The following SLC4A4 variants were observed in gnomAD, a reference collection of about 807,000 sequenced individuals.
SLC4A4 encodes electrogenic sodium bicarbonate cotransporter 1.
Under a neutral mutation model 111.5 loss-of-function variants are expected in SLC4A4, and 27 were observed. That is an observed-to-expected ratio of 0.24 (90% confidence interval 0.18 to 0.33). SLC4A4 has a LOEUF of 0.33. SLC4A4 is among the 10% of genes least tolerant of loss of function. SLC4A4 has a pLI of 1.00. For missense variants in SLC4A4, 909 were observed against 1,315.5 expected (o/e 0.69, Z 4.78); for synonymous variants, 443 against 463.4 (o/e 0.96, Z 0.57).
chr4:71,269,243 T>C (rs1422113215), intron 3 of SLC4A4, among the ~76,000 whole-genome samples: 1 of 152,258 alleles, frequency 6.6e-6, no homozygotes, highest in African/African-American at 2.4e-5. Context: ...AAATTACAGC[T>C]ATGAATAGTT....
chr4:71,463,088 A>G (rs376876149), intron 12 of SLC4A4, among the ~76,000 whole-genome samples: 105 of 152,296 alleles, frequency 6.9e-4, no homozygotes, highest in African/African-American at 2.5e-3. Context: ...ACTGTTCCAC[A>G]GTGGTGTCAC....
At chr4:71,408,587 C>A (rs1186873967) in intron 7 of SLC4A4, among the ~76,000 whole-genome samples, 1 of 152,174 alleles carries the variant, frequency 6.6e-6, no homozygotes, top group Non-Finnish European at 1.5e-5. Flanking sequence ...ACTGCTCTAT[C>A]CACACTGTAA....
intron 2 of SLC4A4, among the ~76,000 whole-genome samples, chr4:71,120,082 T>C (rs899495692): frequency 1.3e-5 from 2 of 152,216 alleles, no homozygotes; most frequent in African/African-American, 2.4e-5. Context: ...TATTGGAAGG[T>C]TTTGAACTCG....
chr4:71,136,932 A>G (rs138046896), intron 2 of SLC4A4, among the ~76,000 whole-genome samples: 18 of 152,268 alleles, frequency 1.2e-4, no homozygotes, highest in African/African-American at 3.6e-4. Flanking sequence ...AAGAAGCTGA[A>G]ACTTTTGCCT....
chr4:71,079,789 G>T (rs1195362859), intron 1 of SLC4A4, among the ~76,000 whole-genome samples: 1 of 129,894 alleles, frequency 7.7e-6, no homozygotes, highest in African/African-American at 2.6e-5. Context: ...AAAAAAAAAA[G>T]ATGTAAAGAA....
chr4:71,497,563 A>C lies in SLC4A4; in HGVS notation c.2037A>C (p.Gly679=), dbSNP rs755703632. 6.2e-7 allele frequency: 1 copy of C among 1,613,640 alleles called. No individual in the cohort carries two copies. Among genetic ancestry groups the C allele is most frequent in the South Asian group, 1.1e-5 (1 of 91,066 alleles). ...LSKKECSKYG[G]NLVGNNCNFV... ...AGAAGGAGTGTTCAAAATACGGAGGAAACCTCGTCGGGAACAACTGTAATT... is the reference window on the plus strand; with the variant it reads ...AGAAGGAGTGTTCAAAATACGGAGGCAACCTCGTCGGGAACAACTGTAATT... The change falls in exon 16 of 26, where the codon GGA becomes GGC. Residue 679 remains glycine, a synonymous_variant. Transcript: ENST00000264485.
At position 71,546,352 on chromosome 4, in the gene SLC4A4, A is replaced by G; in HGVS notation, c.2445A>G (p.Lys815=). 1 of 1,612,142 alleles carries G rather than the reference A, an allele frequency of 6.2e-7. No individual in the cohort carries two copies. The highest frequency in any genetic ancestry group is 8.5e-7 in the Non-Finnish European group (1 of 1,178,476). ...IVNRKEHKLK[K]GAGYHLDLFW... ...GGTTTTGTTATCTCTTTCTACAGAA[A>G]GGAGCAGGGTATCACTTGGATCTCT... is the stretch of plus-strand genomic sequence containing the variant. The change falls in exon 19 of 26, where the codon AAA becomes AAG. Residue 815 remains lysine, a splice_region_variant and synonymous_variant. Transcript: ENST00000264485.
chr4:71,142,514 T>C (rs1164821776), intron 2 of SLC4A4, among the ~76,000 whole-genome samples: 1 of 152,172 alleles, frequency 6.6e-6, no homozygotes, highest in Admixed American at 6.5e-5. Context: ...ACTTTCTTTC[T>C]TTTTGTTTGT....
intron 7 of SLC4A4, among the ~76,000 whole-genome samples, chr4:71,423,296 T>C (rs1034290238): frequency 3.3e-5 from 5 of 152,086 alleles, no homozygotes; most frequent in South Asian, 2.1e-4. Flanking sequence ...GTGAAGGACC[T>C]CTTCAAGGAG....
intron 6 of SLC4A4, among the ~76,000 whole-genome samples, chr4:71,378,873 T>C (rs537557343): frequency 2.0e-5 from 3 of 152,302 alleles, no homozygotes; most frequent in Admixed American, 1.3e-4. Flanking sequence ...TCCACCTCAA[T>C]AGATCCTCAT....
intron 16 of SLC4A4, among the ~76,000 whole-genome samples, chr4:71,516,080 C>CTTTTT (rs60338885): frequency 3.3e-5 from 1 of 30,614 alleles, no homozygotes; most frequent in Non-Finnish European, 5.7e-5. Flanking sequence ...TGGGGGATTT[C>CTTTTT]TTTTTTTTTT....
chr4:71,433,168 C>T lies in SLC4A4; in HGVS notation c.808-7448C>T, dbSNP rs114467785. ...CTTTTCTCAAAACCTCACACAACTT[C>T]CTCCCCCTCACCATTAGCTTACTAG... On this transcript the variant is annotated intron_variant, in intron 7 of 25. Transcript: ENST00000264485. 3.8e-3 allele frequency among the ~76,000 whole-genome samples: 580 copies of T among 151,754 alleles called. 2 individuals carry two copies. Among genetic ancestry groups the T allele is most frequent in the Admixed American group, 6.0e-3 (91 of 15,192 alleles).
At chr4:71,369,930 TAC>T (rs932888283) in intron 6 of SLC4A4, among the ~76,000 whole-genome samples, 3 of 151,964 alleles carry the variant, frequency 2.0e-5, no homozygotes, top group Non-Finnish European at 2.9e-5. Context: ...TGAAAATACA[TAC>T]ACACACACAC....
chr4:71,396,702 T>C (rs1025808665), intron 6 of SLC4A4, among the ~76,000 whole-genome samples: 2 of 152,200 alleles, frequency 1.3e-5, no homozygotes, highest in African/African-American at 4.8e-5. Context: ...CAGTATTCTG[T>C]TGATTAACAT....
At chr4:71,233,339 G>A in intron 1 of SLC4A4, 1 of 984,514 alleles carries the variant, frequency 1.0e-6, no homozygotes, top group Non-Finnish European at 1.2e-6. Flanking sequence ...TTGGCAATTA[G>A]AAGACATTGG....
At chr4:71,273,592 A>G (rs1722852241) in intron 3 of SLC4A4, among the ~76,000 whole-genome samples, 2 of 151,948 alleles carry the variant, frequency 1.3e-5, no homozygotes, top group Non-Finnish European at 2.9e-5. Flanking sequence ...GGTAATGCAT[A>G]GTGTTTGTAT....
At chr4:71,552,100 TTCATGA>T (rs1736043537) in intron 20 of SLC4A4, among the ~76,000 whole-genome samples, 1 of 151,920 alleles carries the variant, frequency 6.6e-6, no homozygotes, top group African/African-American at 2.4e-5. Flanking sequence ...CAGTCAGGTC[TTCATGA>T]TAATTATGAC....
At chr4:71,351,494 T>C (rs1225137056) in intron 5 of SLC4A4, among the ~76,000 whole-genome samples, 3 of 152,254 alleles carry the variant, frequency 2.0e-5, no homozygotes, top group African/African-American at 2.4e-5. Context: ...CCATTTATAA[T>C]GTTAATCTTA....
intron 3 of SLC4A4, among the ~76,000 whole-genome samples, chr4:71,311,536 T>A (rs182806566): frequency 1.3e-5 from 2 of 152,256 alleles, no homozygotes; most frequent in East Asian, 1.9e-4. Context: ...ATGAAGAAAC[T>A]CACTCAAAAC....
Sources: allele counts gnomAD v4.1 joint callset (sites outside exome capture counted in the v4.1 genomes callset), GRCh38; gene constraint gnomAD v4.1.1; transcripts MANE v1.5; gene names NCBI Gene and HGNC (gene_info 2026-07-23, HGNC 2026-07-21).